SCIMP: variants seen among roughly 807,000 people sequenced by gnomAD.
The protein encoded by SCIMP is SLP adapter and CSK-interacting membrane protein.
In SCIMP, 18 loss-of-function variants were observed where a neutral mutation model predicts 22.0. The observed-to-expected ratio is 0.82, with a 90% CI of 0.56 to 1.21. The LOEUF (loss-of-function observed/expected upper bound fraction) is 1.21, where lower values mean the gene tolerates loss of function less well. Among genes scored for constraint, SCIMP ranks in the 50% most tolerant of loss-of-function variants. SCIMP has a pLI of 0.00. For synonymous variants in SCIMP, 53 were observed against 62.2 expected (o/e 0.85, Z 0.70); for missense variants, 155 against 171.2 (o/e 0.91, Z 0.53).
chr17:5,227,634 G>A (rs2074660990), intron 1 of SCIMP, among the ~76,000 whole-genome samples: 1 of 152,222 alleles, frequency 6.6e-6, no homozygotes, highest in African/African-American at 2.4e-5. Context: ...CATTTCCTCT[G>A]AGGTGGGAGG....
chr17:5,214,804 C>T (rs1287906954), intron 4 of SCIMP, 121 bp downstream of exon 4: 1 of 603,604 alleles, frequency 1.7e-6, no homozygotes, highest in Non-Finnish European at 2.9e-6. Context: ...CGTGCCATTG[C>T]ACTCCAGCCT....
Position 5,210,609 on chromosome 17 carries a change from T to G in SCIMP, c.*192A>C, listed in dbSNP as rs2074519486. Reference sequence around the variant, plus strand: ...CAGAGCCGAGCACCCATGTGTCTCCTCTGGCTGCAGTCATCCGATCGCAGG... The same window carrying G: ...CAGAGCCGAGCACCCATGTGTCTCCGCTGGCTGCAGTCATCCGATCGCAGG... On this transcript the variant is annotated 3_prime_UTR_variant, in exon 5 of 5. Coordinates refer to ENST00000574081, the MANE Select transcript of SCIMP (RefSeq NM_207103.3). The G allele has an allele frequency of 1.5e-6, 1 of 667,702 alleles. No individual in the cohort carries two copies. The highest frequency in any genetic ancestry group is 1.8e-5 in the African/African-American group (1 of 54,550). 41.4% of individuals were successfully genotyped at this position (667,702 alleles called of 1,614,324 possible).
chr17:5,231,077 G>A (rs1400719334), intron 1 of SCIMP, among the ~76,000 whole-genome samples: 2 of 151,582 alleles, frequency 1.3e-5, no homozygotes, highest in African/African-American at 4.8e-5. Context: ...TGTTTTTCAA[G>A]GGCTGGGCAC....
chr17:5,227,402 CAG>C (rs990909275), intron 1 of SCIMP, among the ~76,000 whole-genome samples: 2 of 151,928 alleles, frequency 1.3e-5, no homozygotes, highest in African/African-American at 2.4e-5. Flanking sequence ...CTCAGCTACT[CAG>C]GGGGTTTCAC....
At chr17:5,231,961 C>G (rs902827055) in intron 1 of SCIMP, among the ~76,000 whole-genome samples, 6 of 152,068 alleles carry the variant, frequency 3.9e-5, no homozygotes, top group African/African-American at 1.4e-4. Context: ...GAGGCTGAGG[C>G]AGGAGAATGG....
In SCIMP at chr17:5,232,192, G is replaced by C. The variant is rs183907904; in HGVS notation, c.21+2543C>G. Among the ~76,000 whole-genome samples the C allele has an allele frequency of 1.4e-4, 21 of 152,374 alleles. No homozygotes were observed. In the East Asian group the frequency reaches 3.7e-3, roughly 27 times the overall value. ...GGCTGGCAAAGACATTTTCAGAGCA[G>C]CGCCGTGTTATGTTCTGTGTGCAGT... On this transcript the variant is annotated intron_variant, in intron 1 of 4. Coordinates refer to ENST00000574081, the MANE Select transcript of SCIMP (RefSeq NM_207103.3).
rs150312633 is a variant in SCIMP at position 5,231,079 on chromosome 17, G to T, written c.21+3656C>A. Among the ~76,000 whole-genome samples the T allele has an allele frequency of 1.5e-4, 22 of 151,662 alleles. No individual in the cohort carries two copies. The East Asian group carries it at 4.3e-3, about 30-fold the overall frequency. ...TGGTTGTTTAAGTTGTTTTTCAAGG[G>T]CTGGGCACGGTGGCTCACGCCTGTA... On this transcript the variant is annotated intron_variant, in intron 1 of 4. Coordinates refer to ENST00000574081, the MANE Select transcript of SCIMP (RefSeq NM_207103.3).
intron 1 of SCIMP, 24 bp downstream of exon 1, chr17:5,234,711 C>T: frequency 1.2e-6 from 2 of 1,611,110 alleles, no homozygotes; most frequent in East Asian, 2.2e-5. Context: ...AGGAAACTGT[C>T]CCTTGGAAAG....
chr17:5,225,925 T>G (rs1217831607), intron 1 of SCIMP, among the ~76,000 whole-genome samples: 1 of 151,926 alleles, frequency 6.6e-6, no homozygotes, highest in Non-Finnish European at 1.5e-5. Context: ...TATCTCTGGG[T>G]CTATAGTGCT....
intron 3 of SCIMP, among the ~76,000 whole-genome samples, chr17:5,216,122 G>A (rs570225056): frequency 6.6e-6 from 1 of 152,226 alleles, no homozygotes; most frequent in East Asian, 1.9e-4. Flanking sequence ...AGGATCACTT[G>A]AGCCCAAAAT....
chr17:5,234,232 C>T (rs1411274801), intron 1 of SCIMP, among the ~76,000 whole-genome samples: 1 of 152,130 alleles, frequency 6.6e-6, no homozygotes, highest in Admixed American at 6.6e-5. Context: ...GATCACGTCA[C>T]TGCACTCCAG....
rs564441751 is a variant in SCIMP at position 5,211,467 on chromosome 17, C to T, written c.284-512G>A. On this transcript the variant is annotated intron_variant, in intron 4 of 4. Coordinates refer to ENST00000574081, the MANE Select transcript of SCIMP (RefSeq NM_207103.3). ...TGAGCCCAGGAGGTTAAGGCTACAA[C>T]GAGCCATGATCACGCCACTGCACTT... Among the ~76,000 whole-genome samples, 16 of 150,928 alleles carry T rather than the reference C, an allele frequency of 1.1e-4. No homozygotes were observed. In the South Asian group the frequency reaches 2.9e-3, roughly 28 times the overall value.
At chr17:5,216,060 G>A (rs1400497075) in intron 3 of SCIMP, among the ~76,000 whole-genome samples, 6 of 152,048 alleles carry the variant, frequency 3.9e-5, no homozygotes, top group African/African-American at 1.5e-4. Context: ...ATAATTAGCA[G>A]GTTGTGGTGG....
intron 1 of SCIMP, among the ~76,000 whole-genome samples, chr17:5,225,722 A>G (rs2074642883): frequency 6.6e-6 from 1 of 150,880 alleles, no homozygotes; most frequent in Admixed American, 6.7e-5. Context: ...AGGTTGTGCC[A>G]TTGCACTCCA....
In SCIMP at chr17:5,210,039, A is replaced by G. The variant is rs916286515; in HGVS notation, c.*762T>C. 3.3e-5 allele frequency: 5 copies of G among 152,216 alleles called. No individual in the cohort carries two copies. Among genetic ancestry groups the G allele is most frequent in the African/African-American group, 1.2e-4 (5 of 41,444 alleles). The allele number at this position is 152,216 out of a possible 1,614,324, so 9.4% of individuals were successfully genotyped here. The stretch of plus-strand genomic sequence containing the variant: ...ATGTATTTTTCCTGTAGCACCCCCA[A>G]CACACCTATTGCAAAATGATGCTTC... On this transcript the variant is annotated 3_prime_UTR_variant, in exon 5 of 5. Coordinates refer to ENST00000574081, the MANE Select transcript of SCIMP (RefSeq NM_207103.3).
chr17:5,225,727 A>G (rs1597292131), intron 1 of SCIMP, among the ~76,000 whole-genome samples: 1 of 149,866 alleles, frequency 6.7e-6, no homozygotes, highest in Non-Finnish European at 1.5e-5. Context: ...GTGCCATTGC[A>G]CTCCAGCCTG....
rs905016267 is a variant in SCIMP, at chr17:5,234,653, G to A, written c.21+82C>T. On this transcript the variant is annotated intron_variant, in intron 1 of 4. Coordinates refer to ENST00000574081, the MANE Select transcript of SCIMP (RefSeq NM_207103.3). The stretch of plus-strand genomic sequence containing the variant: ...CCCAGTGCTGATCGGTGGCTCCCAG[G>A]GACACGCCCTGATGCCAGCGCTGGC... 6.8e-6 allele frequency: 10 copies of A among 1,468,156 alleles called. No individual in the cohort carries two copies. In the South Asian group the frequency reaches 1.1e-4, roughly 16 times the overall value. The allele number at this position is 1,468,156 out of a possible 1,614,324, so 90.9% of individuals were successfully genotyped here. A position where few individuals can be genotyped will look rare whatever the true frequency, so the allele number is the denominator to read the frequency against.
chr17:5,228,992 TTCCAAAG>T (rs1263017781), intron 1 of SCIMP, among the ~76,000 whole-genome samples: 1 of 152,164 alleles, frequency 6.6e-6, no homozygotes, highest in East Asian at 1.9e-4. Context: ...TGCAGTCTAA[TTCCAAAG>T]CCTCATCTGG....
At chr17:5,224,177 C>T (rs2074630054) in intron 1 of SCIMP, among the ~76,000 whole-genome samples, 1 of 152,162 alleles carries the variant, frequency 6.6e-6, no homozygotes, top group South Asian at 2.1e-4. Flanking sequence ...CTCTGTAACT[C>T]AGGCTGGAGT....
Sources: gnomAD v4.1 joint callset for allele counts (sites outside exome capture counted in the v4.1 genomes callset) on GRCh38, gnomAD v4.1.1 for gene constraint, MANE v1.5 for transcripts, NCBI Gene and HGNC (gene_info 2026-07-23, HGNC 2026-07-21) for gene names.